Variants in NTM observed in about 807,000 individuals in gnomAD.
NTM encodes the protein neurotrimin.
A neutral mutation model predicts 42.1 loss-of-function variants in NTM; 13 were observed. The ratio of observed to expected loss-of-function variants is 0.31; its 90% CI spans 0.20 to 0.49. NTM has a LOEUF of 0.49. Among genes scored for constraint, NTM ranks in the 20% least tolerant of loss-of-function variants. The pLI is 0.99. For synonymous variants in NTM, 187 were observed against 179.2 expected (o/e 1.04, Z -0.35); for missense variants, 373 against 452.8 (o/e 0.82, Z 1.60).
intron 2 of NTM, among the ~76,000 whole-genome samples, chr11:132,102,324 C>G (rs1290206476): frequency 6.6e-6 from 1 of 152,194 alleles, no homozygotes; most frequent in Non-Finnish European, 1.5e-5. Flanking sequence ...CGTTCTGTCT[C>G]CAATGCAAGG....
At chr11:131,712,044 A>T (rs2077210714) in intron 1 of NTM, among the ~76,000 whole-genome samples, 1 of 150,784 alleles carries the variant, frequency 6.6e-6, no homozygotes, top group East Asian at 2.0e-4. Flanking sequence ...ATGACGAGTT[A>T]ACGGGTGCAG....
At chr11:132,039,811 C>G (rs1231182008) in intron 2 of NTM, among the ~76,000 whole-genome samples, 1 of 148,242 alleles carries the variant, frequency 6.7e-6, no homozygotes, top group Non-Finnish European at 1.5e-5. Flanking sequence ...TACTTTCTCT[C>G]TCTGCGGCGC....
intron 2 of NTM, among the ~76,000 whole-genome samples, chr11:132,141,302 A>G (rs566789356): frequency 7.0e-6 from 1 of 142,470 alleles, no homozygotes; most frequent in South Asian, 2.2e-4. Flanking sequence ...CTCTTTTCTC[A>G]TCCTAAATCC....
chr11:131,557,463 A>G (rs933676910), intron 1 of NTM, among the ~76,000 whole-genome samples: 1 of 152,180 alleles, frequency 6.6e-6, no homozygotes, highest in Admixed American at 6.5e-5. Flanking sequence ...TTTCCTCATC[A>G]TGACTGAGTG....
intron 1 of NTM, among the ~76,000 whole-genome samples, chr11:131,560,311 T>C (rs1360131546): frequency 6.6e-6 from 1 of 152,202 alleles, no homozygotes; most frequent in Non-Finnish European, 1.5e-5. Flanking sequence ...GATAGCTACC[T>C]GAACGCAGAT....
chr11:131,531,295 T>C (rs2051238505), intron 1 of NTM, among the ~76,000 whole-genome samples: 1 of 152,146 alleles, frequency 6.6e-6, no homozygotes, highest in Non-Finnish European at 1.5e-5. Flanking sequence ...CATGCCACCA[T>C]GCTCTGCTAA....
chr11:131,557,055 C>CTTTTTTTTTTTT (rs970811707), intron 1 of NTM, among the ~76,000 whole-genome samples: 3 of 151,940 alleles, frequency 2.0e-5, no homozygotes, highest in African/African-American at 7.3e-5. Flanking sequence ...TGATTTGTAA[C>CTTTTTTTTTTTT]TTTTTTTCTT....
intron 1 of NTM, among the ~76,000 whole-genome samples, chr11:131,827,900 C>A (rs954804374): frequency 6.6e-6 from 1 of 152,138 alleles, no homozygotes; most frequent in African/African-American, 2.4e-5. Flanking sequence ...CCCTCCAGGT[C>A]TCCTATTCCC....
At chr11:131,747,968 C>T (rs2082025422) in intron 1 of NTM, among the ~76,000 whole-genome samples, 1 of 152,208 alleles carries the variant, frequency 6.6e-6, no homozygotes, top group Admixed American at 6.5e-5. Flanking sequence ...TCGCCGGGCA[C>T]CACATAGCAC....
At chr11:131,487,159 G>A (rs974340697) in intron 1 of NTM, among the ~76,000 whole-genome samples, 7 of 152,142 alleles carry the variant, frequency 4.6e-5, no homozygotes, top group Non-Finnish European at 1.0e-4. Flanking sequence ...CTGGGCCCCT[G>A]GAAGCCTGCC....
chr11:132,106,590 C>T (rs573246281), intron 2 of NTM, among the ~76,000 whole-genome samples: 105 of 152,364 alleles, frequency 6.9e-4, no homozygotes, highest in African/African-American at 2.5e-3. Context: ...CTGCTCTGGC[C>T]ACTTGGCATT....
rs1229177598 is a variant in NTM, at chr11:131,632,713, C to T, written c.82+261825C>T. Among the ~76,000 whole-genome samples, 42 of 105,088 alleles carry T rather than the reference C, an allele frequency of 4.0e-4. 1 individual carries two copies. Among genetic ancestry groups the T allele is most frequent in the African/African-American group, 1.3e-3 (32 of 24,572 alleles). 68.9% of individuals were successfully genotyped at this position (105,088 alleles called of 152,430 possible). The stretch of plus-strand genomic sequence containing the variant: ...TTTTTGAGACGGAGTTTCGCTCTGT[C>T]GCCCAGGCTGGAGTGCAGTGGCGCG... On this transcript the variant is annotated intron_variant, in intron 1 of 8. Transcript: ENST00000683400.
At position 131,728,749 on chromosome 11, in the gene NTM, C is replaced by CT. The variant is rs1257945459; in HGVS notation, c.83-182815_83-182814insT. 8.7e-3 allele frequency among the ~76,000 whole-genome samples: 1,330 copies of CT among 152,172 alleles called. 15 individuals are homozygous for CT. Among genetic ancestry groups the CT allele is most frequent in the African/African-American group, 0.03 (1,242 of 41,506 alleles). On this transcript the variant is annotated intron_variant, in intron 1 of 8. Coordinates refer to ENST00000683400, the MANE Select transcript of NTM (RefSeq NM_001352005.2). The stretch of plus-strand genomic sequence containing the variant: ...ATTCGTGATCAACTTAACCTTGAGC[C>CT]CCTCTGTCCTTCCCAGAGAAAGAGG...
intron 2 of NTM, among the ~76,000 whole-genome samples, chr11:131,997,776 T>A (rs569669636): frequency 2.0e-5 from 3 of 152,272 alleles, no homozygotes; most frequent in African/African-American, 7.2e-5. Context: ...TTTTCATCTT[T>A]CCAATGAAGG....
intron 1 of NTM, among the ~76,000 whole-genome samples, chr11:131,450,869 C>T (rs1236617075): frequency 2.6e-5 from 4 of 152,004 alleles, no homozygotes; most frequent in East Asian, 1.9e-4. Context: ...GGTTATGAAT[C>T]GTAGTAGATG....
At chr11:132,180,455 G>C (rs1465841973) in intron 3 of NTM, among the ~76,000 whole-genome samples, 1 of 152,118 alleles carries the variant, frequency 6.6e-6, no homozygotes, top group African/African-American at 2.4e-5. Context: ...ATCCTTAAAA[G>C]AAAAGGACAA....
intron 1 of NTM, among the ~76,000 whole-genome samples, chr11:131,518,831 C>T (rs2049222533): frequency 6.6e-6 from 1 of 152,160 alleles, no homozygotes; most frequent in Non-Finnish European, 1.5e-5. Flanking sequence ...GCTTGTCTGG[C>T]TTAAGGACAA....
At chr11:132,039,385 C>T (rs2076902970) in intron 2 of NTM, among the ~76,000 whole-genome samples, 2 of 150,158 alleles carry the variant, frequency 1.3e-5, no homozygotes, top group South Asian at 4.2e-4. Context: ...AAGATCTCAG[C>T]CTGAGTCTGT....
chr11:131,609,253 T>C (rs946732169), intron 1 of NTM, among the ~76,000 whole-genome samples: 1 of 152,212 alleles, frequency 6.6e-6, no homozygotes, highest in Non-Finnish European at 1.5e-5. Context: ...CAGGTTTTTC[T>C]CAGCCACACT....
Sources: allele counts gnomAD v4.1 joint callset (sites outside exome capture counted in the v4.1 genomes callset), GRCh38; gene constraint gnomAD v4.1.1; transcripts MANE v1.5; gene names NCBI Gene and HGNC (gene_info 2026-07-23, HGNC 2026-07-21).